The following TTLL6 variants were observed in gnomAD, a reference collection of about 807,000 sequenced individuals.
The protein encoded by TTLL6 is tubulin polyglutamylase TTLL6.
Under a neutral mutation model 96.4 loss-of-function variants are expected in TTLL6, and 75 were observed. The ratio of observed to expected loss-of-function variants is 0.78; its 90% confidence interval spans 0.65 to 0.94. The LOEUF (loss-of-function observed/expected upper bound fraction) is 0.94. Ranked by LOEUF, TTLL6 falls within the 40% of genes least tolerant of loss-of-function variation. TTLL6 has a pLI of 0.00. For missense variants in TTLL6, 1,030 were observed against 1,093.0 expected (o/e 0.94, Z 0.81); for synonymous variants, 411 against 419.4 (o/e 0.98, Z 0.24).
intron 13 of TTLL6, among the ~76,000 whole-genome samples, chr17:48,782,068 A>T (rs1334982765): frequency 1.3e-5 from 2 of 151,724 alleles, no homozygotes; most frequent in Non-Finnish European, 2.9e-5. Context: ...ATCCCTTATC[A>T]GACACGTGGT....
intron 1 of TTLL6, among the ~76,000 whole-genome samples, chr17:48,814,076 T>C (rs1044902840): frequency 3.3e-5 from 5 of 152,084 alleles, no homozygotes; most frequent in African/African-American, 1.2e-4. Context: ...TCCAGCACTT[T>C]GGGAGGCCAA....
At chr17:48,798,454 C>A (rs2143423613) in intron 6 of TTLL6, among the ~76,000 whole-genome samples, 1 of 152,202 alleles carries the variant, frequency 6.6e-6, no homozygotes, top group Non-Finnish European at 1.5e-5. Context: ...GTAATCCCAG[C>A]TACTTGGGAG....
In TTLL6 at chr17:48,762,530, C is replaced by T. The variant is rs1468368116; in HGVS notation, c.*444G>A. 4 of 171,896 alleles carry T rather than the reference C, an allele frequency of 2.3e-5. No homozygotes were observed. The highest frequency in any genetic ancestry group is 4.9e-5 in the Non-Finnish European group (4 of 80,888). 10.6% of individuals were successfully genotyped at this position (171,896 alleles called of 1,614,324 possible). On this transcript the variant is annotated 3_prime_UTR_variant, in exon 16 of 16. Coordinates refer to ENST00000393382, the MANE Select transcript of TTLL6 (RefSeq NM_001130918.3). ...GTTATGCACCATGCCCATCCCTGACCTCATCTTTTATCTTGGAGACGAAGA... is the reference window on the plus strand; with the variant it reads ...GTTATGCACCATGCCCATCCCTGACTTCATCTTTTATCTTGGAGACGAAGA...
chr17:48,803,480 TG>T (rs2039458182), intron 3 of TTLL6, among the ~76,000 whole-genome samples: 1 of 144,040 alleles, frequency 6.9e-6, no homozygotes, highest in Non-Finnish European at 1.5e-5. Flanking sequence ...CAAGATTCCG[TG>T]TCAAAAAAAA....
intron 1 of TTLL6, among the ~76,000 whole-genome samples, chr17:48,805,853 T>G (rs2039498117): frequency 6.6e-6 from 1 of 152,112 alleles, no homozygotes; most frequent in South Asian, 2.1e-4. Context: ...CTTACACCTG[T>G]AATCCCAGCA....
chr17:48,791,207 C>T (rs561696733), intron 9 of TTLL6, among the ~76,000 whole-genome samples, 171 bp downstream of exon 9: 2 of 152,290 alleles, frequency 1.3e-5, no homozygotes, highest in Non-Finnish European at 2.9e-5. Flanking sequence ...TGTCTACCCC[C>T]CTCTGGTGGC....
intron 15 of TTLL6, among the ~76,000 whole-genome samples, chr17:48,763,846 A>G (rs1452610447): frequency 7.2e-5 from 11 of 151,878 alleles, no homozygotes; most frequent in African/African-American, 2.7e-4. Flanking sequence ...AGAAAGAAAA[A>G]GTTAGCTAGC....
chr17:48,813,021 C>T (rs1250887008), intron 1 of TTLL6, among the ~76,000 whole-genome samples: 1 of 152,196 alleles, frequency 6.6e-6, no homozygotes, highest in Non-Finnish European at 1.5e-5. Context: ...GTCTCATCCT[C>T]ATAATAACCT....
At chr17:48,767,169 C>G (rs1008898166) in intron 15 of TTLL6, among the ~76,000 whole-genome samples, 4 of 152,124 alleles carry the variant, frequency 2.6e-5, no homozygotes, top group African/African-American at 9.7e-5. Context: ...TCCCAAAGTG[C>G]TGGGATTACA....
chr17:48,763,163 A>G (rs897137667), intron 15 of TTLL6, among the ~76,000 whole-genome samples, 190 bp from the exon 16 acceptor site: 1 of 139,934 alleles, frequency 7.1e-6, no homozygotes, highest in African/African-American at 2.6e-5. Flanking sequence ...TGCCTGAAAT[A>G]TTGGATATGG....
In TTLL6 at chr17:48,816,950, G is replaced by C. The variant is rs1304488969; in HGVS notation, c.103+20C>G. 1.9e-5 allele frequency: 28 copies of C among 1,511,756 alleles called. No individual in the cohort carries two copies. The highest frequency in any genetic ancestry group is 2.4e-5 in the Non-Finnish European group (27 of 1,130,298). The allele number at this position is 1,511,756 out of a possible 1,614,324, so 93.6% of individuals were successfully genotyped here. A position where few individuals can be genotyped will look rare whatever the true frequency, so the allele number is the denominator to read the frequency against. On this transcript the variant is annotated intron_variant, in intron 1 of 15. Transcript: ENST00000393382. ...GAGGCTGCGGTCTGGAGCCAGCACC[G>C]GGCTTTGGGGCGCTCTTACCCGCAA...
chr17:48,782,105 CT>C (rs34486928), intron 13 of TTLL6, among the ~76,000 whole-genome samples: 46,699 of 122,108 alleles, frequency 0.38, 7,107 homozygotes, highest in East Asian at 0.73. Context: ...TTTTTCTTTT[CT>C]TTTTTTTTTT....
At chr17:48,814,780 C>T (rs1041299975) in intron 1 of TTLL6, among the ~76,000 whole-genome samples, 1 of 152,142 alleles carries the variant, frequency 6.6e-6, no homozygotes, top group Non-Finnish European at 1.5e-5. Flanking sequence ...TTAGTGCTTT[C>T]TTTTATCTTT....
intron 13 of TTLL6, among the ~76,000 whole-genome samples, chr17:48,770,421 T>G (rs943987073): frequency 1.3e-5 from 2 of 152,096 alleles, no homozygotes; most frequent in African/African-American, 4.8e-5. Flanking sequence ...TAGGAGACTC[T>G]ACAGCCTCCT....
intron 8 of TTLL6, among the ~76,000 whole-genome samples, chr17:48,795,753 C>T (rs927605211): frequency 6.6e-6 from 1 of 152,152 alleles, no homozygotes; most frequent in African/African-American, 2.4e-5. Context: ...TTGGAAATAT[C>T]AGAAGGGCCA....
intron 13 of TTLL6, among the ~76,000 whole-genome samples, chr17:48,771,549 T>C (rs2038746666): frequency 6.6e-6 from 1 of 152,012 alleles, no homozygotes; most frequent in Admixed American, 6.6e-5. Flanking sequence ...AGAGGATCAC[T>C]TGAGCCTGAG....
Position 48,769,760 on chromosome 17 carries a change from T to A in TTLL6, c.2378A>T (p.Tyr793Phe). The change falls in exon 14 of 16, where the codon TAC (tyrosine) becomes TTC (phenylalanine). Residue 793 changes from tyrosine to phenylalanine, a missense_variant. Transcript: ENST00000393382. ...SGKLSFFPAH[Y>F]NPKLGMNNLS... ...GTTATTCATCCCCAGCTTGGGGTTG[T>A]AGTGAGCTGGGAAGAAGGAGAGCTT... The A allele has an allele frequency of 6.2e-7, 1 of 1,614,148 alleles. No individual in the cohort carries two copies. The highest frequency in any genetic ancestry group is 8.5e-7 in the Non-Finnish European group (1 of 1,180,020).
Position 48,787,919 on chromosome 17 carries a change from C to G in TTLL6, c.1481G>C (p.Arg494Pro), listed in dbSNP as rs567488909. ...TYEKENCGGF[R>P]LIYPSLNSEK... ...CGAATTCAGACTGGGATAAATCAGT[C>G]GGAACCCTCCACAGTTTTCCTTCTC... is the stretch of plus-strand genomic sequence containing the variant. The change falls in exon 11 of 16, where the codon CGA (arginine) becomes CCA (proline). Residue 494 changes from arginine to proline, a missense_variant. Arg to Pro is a moderately radical substitution (Grantham distance 103, BLOSUM62 -2). Transcript: ENST00000393382. 6.2e-7 allele frequency: 1 copy of G among 1,614,168 alleles called. No individual in the cohort carries two copies. Among genetic ancestry groups the G allele is most frequent in the Non-Finnish European group, 8.5e-7 (1 of 1,180,022 alleles).
At chr17:48,772,650 G>C (rs2038771000) in intron 13 of TTLL6, among the ~76,000 whole-genome samples, 1 of 150,692 alleles carries the variant, frequency 6.6e-6, no homozygotes, top group Admixed American at 6.7e-5. Flanking sequence ...AGAATCACTT[G>C]AACCTGGGAG....
Sources: allele counts gnomAD v4.1 joint callset (sites outside exome capture counted in the v4.1 genomes callset), GRCh38; gene constraint gnomAD v4.1.1; transcripts MANE v1.5; gene names NCBI Gene and HGNC (gene_info 2026-07-23, HGNC 2026-07-21).